TNRC6A: variants seen among roughly 807,000 people sequenced by gnomAD.
TNRC6A encodes trinucleotide repeat-containing gene 6A protein.
Under a neutral mutation model 221.2 loss-of-function variants are expected in TNRC6A, and 44 were observed. That is an observed-to-expected ratio of 0.20 (90% CI 0.16 to 0.26). The LOEUF (loss-of-function observed/expected upper bound fraction) is 0.26. TNRC6A is among the 10% of genes least tolerant of loss of function. The pLI, the probability that TNRC6A is intolerant of heterozygous loss-of-function variation, is 1.00. For missense variants in TNRC6A, 2,199 were observed against 2,404.4 expected (o/e 0.91, Z 1.79); for synonymous variants, 847 against 838.5 (o/e 1.01, Z -0.18).
At chr16:24,741,398 A>G (rs1045729208) in intron 2 of TNRC6A, among the ~76,000 whole-genome samples, 3 of 152,164 alleles carry the variant, frequency 2.0e-5, no homozygotes, top group African/African-American at 7.2e-5. Flanking sequence ...ATCATCATGT[A>G]GCTTTGTCCT....
intron 2 of TNRC6A, among the ~76,000 whole-genome samples, chr16:24,685,798 G>A (rs1187271271): frequency 6.6e-6 from 1 of 152,162 alleles, no homozygotes; most frequent in Non-Finnish European, 1.5e-5. Context: ...GTAATAACTA[G>A]GTTTTCTCTG....
chr16:24,703,252 T>C (rs2056025710), intron 2 of TNRC6A, among the ~76,000 whole-genome samples: 1 of 152,140 alleles, frequency 6.6e-6, no homozygotes, highest in Admixed American at 6.6e-5. Flanking sequence ...CCTCTCTCTA[T>C]GGATTTACCT....
intron 3 of TNRC6A, among the ~76,000 whole-genome samples, chr16:24,751,455 C>T (rs1414157715): frequency 1.3e-5 from 2 of 151,978 alleles, no homozygotes; most frequent in African/African-American, 4.8e-5. Context: ...GTATAGGAAA[C>T]TATAATTCAA....
At chr16:24,708,988 G>A (rs1257785435) in intron 2 of TNRC6A, among the ~76,000 whole-genome samples, 3 of 152,166 alleles carry the variant, frequency 2.0e-5, no homozygotes, top group Non-Finnish European at 4.4e-5. Flanking sequence ...CAAGCACAGT[G>A]GCTCACGCCT....
chr16:24,675,703 TATA>T (rs2055406500), intron 2 of TNRC6A, among the ~76,000 whole-genome samples: 1 of 34,668 alleles, frequency 2.9e-5, no homozygotes, highest in Non-Finnish European at 5.2e-5. Context: ...TCTCTCTCTC[TATA>T]TATATATATA....
intron 14 of TNRC6A, 141 bp from the exon 15 acceptor site, chr16:24,805,464 A>G (rs2058410941): frequency 3.3e-6 from 4 of 1,225,682 alleles, no homozygotes; most frequent in Middle Eastern, 2.4e-4. Context: ...GTGGTCAGTT[A>G]GTAAGACAGA....
chr16:24,758,690 TG>T (rs2151490838), intron 4 of TNRC6A, among the ~76,000 whole-genome samples: 1 of 152,268 alleles, frequency 6.6e-6, no homozygotes, highest in South Asian at 2.1e-4. Context: ...TCTTCTTGTG[TG>T]GGGTAACCTC....
At chr16:24,644,283 G>T (rs1902160905) in intron 2 of TNRC6A, among the ~76,000 whole-genome samples, 1 of 149,494 alleles carries the variant, frequency 6.7e-6, no homozygotes, top group Non-Finnish European at 1.5e-5. Context: ...TAGAGACAGG[G>T]TTTCACCGTG....
At position 24,823,919 on chromosome 16, in the gene TNRC6A, A is replaced by C; in HGVS notation, c.*112A>C. 1 of 1,126,290 alleles carries C rather than the reference A, an allele frequency of 8.9e-7. No homozygotes were observed. Among genetic ancestry groups the C allele is most frequent in the Non-Finnish European group, 1.2e-6 (1 of 846,810 alleles). 69.8% of individuals were successfully genotyped at this position (1,126,290 alleles called of 1,614,324 possible). A position where few individuals can be genotyped will look rare whatever the true frequency, so the allele number is the denominator to read the frequency against. The stretch of plus-strand genomic sequence containing the variant: ...GCCTGTGGGAACAGCTATTCTCTGC[A>C]CATTTTCCACTTTGTTTTCCCCAAA... On this transcript the variant is annotated 3_prime_UTR_variant, in exon 25 of 25. Coordinates refer to ENST00000395799, the MANE Select transcript of TNRC6A (RefSeq NM_014494.4). This position sits in a 1 kb window ranked among gnomAD's most constrained non-coding sequence, Gnocchi z 4.3.
chr16:24,778,555 C>G (rs2057774513), intron 5 of TNRC6A: 1 of 938,042 alleles, frequency 1.1e-6, no homozygotes, highest in African/African-American at 1.8e-5. Flanking sequence ...TGCTAATTTC[C>G]CAGCACCTTA....
At chr16:24,801,533 CTTT>C (rs34391039) in intron 11 of TNRC6A, among the ~76,000 whole-genome samples, 8 of 121,560 alleles carry the variant, frequency 6.6e-5, no homozygotes, top group East Asian at 2.1e-4. Flanking sequence ...ATGCTACTCT[CTTT>C]TTTTTTTTTT....
intron 1 of TNRC6A, among the ~76,000 whole-genome samples, chr16:24,625,342 G>A (rs1327564735): frequency 2.6e-5 from 4 of 152,148 alleles, no homozygotes; most frequent in Admixed American, 6.6e-5. Context: ...GGCCGGGTGC[G>A]GCAGCTCACG....
At chr16:24,783,927 G>A (rs1405628391) in intron 5 of TNRC6A, among the ~76,000 whole-genome samples, 1 of 152,198 alleles carries the variant, frequency 6.6e-6, no homozygotes, top group African/African-American at 2.4e-5. Context: ...AGTTATACCT[G>A]AGGAGTCCTG....
At chr16:24,758,264 A>G in intron 3 of TNRC6A, 75 bp from the exon 4 acceptor site, 2 of 1,439,514 alleles carry the variant, frequency 1.4e-6, no homozygotes, top group Middle Eastern at 3.8e-4. Context: ...TTAATATATG[A>G]ACATTTTATC....
At chr16:24,768,179 C>A (rs1285861134) in intron 4 of TNRC6A, among the ~76,000 whole-genome samples, 1 of 152,106 alleles carries the variant, frequency 6.6e-6, no homozygotes, top group Non-Finnish European at 1.5e-5. Context: ...TGCCTGTAAT[C>A]CCAGCACTTT....
At chr16:24,635,020 CT>C (rs1901553271) in intron 1 of TNRC6A, among the ~76,000 whole-genome samples, 1 of 152,150 alleles carries the variant, frequency 6.6e-6, no homozygotes, top group Non-Finnish European at 1.5e-5. Context: ...TCTTGAACTC[CT>C]GCCTCAGCCT....
chr16:24,762,521 A>T (rs1304126635), intron 4 of TNRC6A, among the ~76,000 whole-genome samples: 1 of 152,200 alleles, frequency 6.6e-6, no homozygotes, highest in Non-Finnish European at 1.5e-5. Context: ...GCTAAGAGTT[A>T]CTTTAGTTAC....
chr16:24,805,366 T>TGA (rs1567504685), intron 14 of TNRC6A: 15 of 946,272 alleles, frequency 1.6e-5, no homozygotes, highest in Admixed American at 8.8e-5. Flanking sequence ...AAAACATTCT[T>TGA]GAGAGTAGGA....
rs566403190 is a variant in TNRC6A at position 24,644,277 on chromosome 16, G to A, written n.402+3268G>A. 1.2e-4 allele frequency among the ~76,000 whole-genome samples: 18 copies of A among 150,450 alleles called. No homozygotes were observed. The East Asian group carries it at 2.0e-3, about 16-fold the overall frequency. ...AATTTTTTTTTGTATTTTTAGTAGA[G>A]ACAGGGTTTCACCGTGTTAGCTTGT... On this transcript the variant is annotated intron_variant and non_coding_transcript_variant, in intron 2 of 2. Coordinates refer to the TNRC6A transcript ENST00000566108.
Sources: allele counts gnomAD v4.1 joint callset (sites outside exome capture counted in the v4.1 genomes callset), GRCh38; gene constraint gnomAD v4.1.1; non-coding constraint Gnocchi (gnomAD v3.1); transcripts MANE v1.5; gene names NCBI Gene and HGNC (gene_info 2026-07-23, HGNC 2026-07-21).